TPRG1: variants seen among roughly 807,000 people sequenced by gnomAD.
The protein encoded by TPRG1 is tumor protein p63-regulated gene 1 protein.
A neutral mutation model predicts 29.3 loss-of-function variants in TPRG1; 29 were observed. The ratio of observed to expected loss-of-function variants is 0.99; its 90% CI spans 0.74 to 1.35. The LOEUF is 1.35. Among genes scored for constraint, TPRG1 ranks in the 40% most tolerant of loss-of-function variants. TPRG1 has a pLI of 0.00. For synonymous variants in TPRG1, 130 were observed against 116.8 expected, an observed-to-expected ratio of 1.11 and a Z score of -0.73; for missense variants, 327 against 335.0, an observed-to-expected ratio of 0.98 and a Z score of 0.19.
Position 189,238,781 on chromosome 3 carries a change from C to G in TPRG1, c.351C>G (p.Asp117Glu). The G allele has an allele frequency of 2.5e-6, 4 of 1,613,654 alleles. No homozygotes were observed. Among genetic ancestry groups the G allele is most frequent in the Non-Finnish European group, 3.4e-6 (4 of 1,179,642 alleles). The change falls in exon 4 of 6, where the codon GAC (aspartate) becomes GAG (glutamate). Residue 117 changes from aspartate (D) to glutamate (E), a missense_variant. Transcript: ENST00000345063. ...AGGAGAGAATTCTACTGGTCACAGA[C>G]AAGACTCTCTTGATCTGCAAATACG... Reference protein sequence around the residue: ...NEKERILLVTDKTLLICKYDF... With the variant: ...NEKERILLVTEKTLLICKYDF...
At chr3:189,045,546 C>T (rs1450730647) in intron 4 of TPRG1, among the ~76,000 whole-genome samples, 1 of 152,218 alleles carries the variant, frequency 6.6e-6, no homozygotes, top group Non-Finnish European at 1.5e-5. Context: ...GTCTACACTT[C>T]AGCTTCTTAT....
chr3:189,254,863 C>T (rs1159290423), intron 4 of TPRG1, among the ~76,000 whole-genome samples: 2 of 152,098 alleles, frequency 1.3e-5, no homozygotes, highest in Admixed American at 1.3e-4. Context: ...GATTTTTGTA[C>T]ATTGATTTTG....
At chr3:189,299,224 G>T (rs946451219) in intron 4 of TPRG1, among the ~76,000 whole-genome samples, 1 of 152,090 alleles carries the variant, frequency 6.6e-6, no homozygotes, top group Non-Finnish European at 1.5e-5. Flanking sequence ...AATGAAGGGA[G>T]TTGCCTCAAA....
chr3:189,025,849 TG>T (rs1713631546), intron 4 of TPRG1, among the ~76,000 whole-genome samples: 1 of 152,254 alleles, frequency 6.6e-6, no homozygotes, highest in South Asian at 2.1e-4. Context: ...AACTTCATGT[TG>T]AACAGTGATC....
upstream of TPRG1, among the ~76,000 whole-genome samples, chr3:189,169,060 G>T (rs1013201558): frequency 6.6e-6 from 1 of 152,198 alleles, no homozygotes; most frequent in African/African-American, 2.4e-5. Context: ...CAGAAGAGGG[G>T]TTCTAACATA....
intron 5 of TPRG1, among the ~76,000 whole-genome samples, chr3:189,160,619 C>A (rs1727343372): frequency 6.6e-6 from 1 of 152,106 alleles, no homozygotes; most frequent in Non-Finnish European, 1.5e-5. Flanking sequence ...ACTCCCCAAC[C>A]CAGGGAGACG....
At chr3:189,095,148 T>C (rs1419618614), upstream of TPRG1, among the ~76,000 whole-genome samples, 1 of 152,278 alleles carries the variant, frequency 6.6e-6, no homozygotes, top group Non-Finnish European at 1.5e-5. Context: ...TCAGTGGCTG[T>C]TGTTTCATTT....
intron 5 of TPRG1, among the ~76,000 whole-genome samples, chr3:189,312,242 C>T (rs1722821008): frequency 6.8e-6 from 1 of 146,488 alleles, no homozygotes; most frequent in Admixed American, 6.9e-5. Flanking sequence ...CGCTCTGTCA[C>T]CCAGGCTGGA....
chr3:189,123,331 AT>A (rs1722053465), intron 1 of TPRG1, among the ~76,000 whole-genome samples: 2 of 152,220 alleles, frequency 1.3e-5, no homozygotes, highest in Admixed American at 6.5e-5. Context: ...TGTTACAATA[AT>A]AATAGCTGAA....
At chr3:189,234,653 A>G (rs1371131889) in intron 3 of TPRG1, among the ~76,000 whole-genome samples, 1 of 152,246 alleles carries the variant, frequency 6.6e-6, no homozygotes, top group Admixed American at 6.5e-5. Flanking sequence ...GTGCAGTGCC[A>G]GGATAGCTTG....
At chr3:189,319,837 C>T (rs1724096071) in intron 5 of TPRG1, among the ~76,000 whole-genome samples, 1 of 152,110 alleles carries the variant, frequency 6.6e-6, no homozygotes, top group Non-Finnish European at 1.5e-5. Context: ...CACTAGACTT[C>T]TGTCTAAAAG....
chr3:189,264,387 G>A (rs551909542), intron 4 of TPRG1, among the ~76,000 whole-genome samples: 6 of 152,246 alleles, frequency 3.9e-5, no homozygotes, highest in Admixed American at 1.3e-4. Context: ...GGATGAAATG[G>A]GATATGGGAA....
intron 1 of TPRG1, among the ~76,000 whole-genome samples, chr3:189,118,046 C>T (rs1390501673): frequency 6.6e-6 from 1 of 152,048 alleles, no homozygotes; most frequent in African/African-American, 2.4e-5. Flanking sequence ...TTGAGACTTC[C>T]TAGAGACTTG....
At chr3:189,231,354 T>C (rs1054933216) in intron 3 of TPRG1, among the ~76,000 whole-genome samples, 9 of 151,722 alleles carry the variant, frequency 5.9e-5, no homozygotes, top group Non-Finnish European at 1.2e-4. Flanking sequence ...AATGAAAATA[T>C]TTTGTATATC....
intron 1 of TPRG1, among the ~76,000 whole-genome samples, chr3:189,104,283 T>C (rs1322461904): frequency 2.0e-5 from 3 of 152,114 alleles, no homozygotes; most frequent in African/African-American, 7.2e-5. Context: ...GTACTGACGA[T>C]AGAGCACTAA....
intron 2 of TPRG1, among the ~76,000 whole-genome samples, chr3:189,129,479 C>T (rs890844933): frequency 6.6e-6 from 1 of 152,144 alleles, no homozygotes; most frequent in African/African-American, 2.4e-5. Context: ...TGTAAATTTG[C>T]TGTTTCCCCC....
At chr3:189,010,130 C>CT (rs1434508740) in intron 3 of TPRG1, among the ~76,000 whole-genome samples, 10 of 152,108 alleles carry the variant, frequency 6.6e-5, no homozygotes, top group Non-Finnish European at 1.2e-4. Flanking sequence ...GATCTTCTTC[C>CT]TTTTTATGGC....
At chr3:189,138,316 TAAC>T (rs1448106269) in intron 3 of TPRG1, among the ~76,000 whole-genome samples, 1 of 152,212 alleles carries the variant, frequency 6.6e-6, no homozygotes, top group African/African-American at 2.4e-5. Context: ...GTTTTTCTGG[TAAC>T]AACACATTTT....
At chr3:189,021,402 C>A (rs1180719134) in intron 3 of TPRG1, among the ~76,000 whole-genome samples, 3 of 152,078 alleles carry the variant, frequency 2.0e-5, no homozygotes, top group African/African-American at 7.2e-5. Context: ...GCGCTTCCTT[C>A]AGGAGCTCTT....
Sources: gnomAD v4.1 joint callset for allele counts (sites outside exome capture counted in the v4.1 genomes callset) on GRCh38, gnomAD v4.1.1 for gene constraint, MANE v1.5 for transcripts, NCBI Gene and HGNC (gene_info 2026-07-23, HGNC 2026-07-21) for gene names.